CRAT: variants seen among roughly 807,000 people sequenced by gnomAD.
The protein encoded by CRAT is carnitine acetylase.
A neutral mutation model predicts 73.7 loss-of-function variants in CRAT; 66 were observed. That is an observed-to-expected ratio of 0.90 (90% CI 0.73 to 1.10). CRAT has a LOEUF of 1.10. Ranked by LOEUF, CRAT falls within the 50% of genes least tolerant of loss-of-function variation. The probability of loss-of-function intolerance (pLI) is 0.00; values close to 1 mark genes in which losing one functional copy is unlikely to be tolerated. For missense variants in CRAT, 745 were observed against 846.9 expected, an observed-to-expected ratio of 0.88 and a Z score of 1.49; for synonymous variants, 321 against 343.2, an observed-to-expected ratio of 0.94 and a Z score of 0.71.
rs1413678408 is a variant in CRAT at position 129,095,430 on chromosome 9, G to T, written c.1848C>A (p.Ala616=). 5.6e-6 allele frequency: 9 copies of T among 1,612,698 alleles called. No homozygotes were observed. The highest frequency in any genetic ancestry group is 7.6e-6 in the Non-Finnish European group (9 of 1,179,984). Reference sequence around the variant, plus strand: ...TGGCCCGGGGGTGGCTCTGCAGCAGGGCACGCATGTCCAGGAGCGCCTTCT... The same window carrying T: ...TGGCCCGGGGGTGGCTCTGCAGCAGTGCACGCATGTCCAGGAGCGCCTTCT... The part of the protein sequence containing the change: ...YLEKALLDMR[A]LLQSHPRAKL Residue 616 remains alanine (A), a synonymous_variant, in exon 14 of 14, where the codon GCC becomes GCA. Transcript: ENST00000318080.
intron 1 of CRAT, chr9:129,109,371 C>T: frequency 2.9e-6 from 3 of 1,018,584 alleles, no homozygotes; most frequent in Non-Finnish European, 4.1e-6. Context: ...TGTTTCTCTC[C>T]AGGACTCCTG....
In CRAT at chr9:129,097,957, G is replaced by A. The variant is rs1847385151; in HGVS notation, c.1464+56C>T. The A allele has an allele frequency of 1.1e-5, 17 of 1,592,946 alleles. No individual in the cohort carries two copies. The Admixed American group carries it at 2.7e-4, about 25-fold the overall frequency. ...CTCAATTATTGTGTGTTGACTGAGT[G>A]AGCAGGAGGGAGGGGCTCAGGCCCA... On this transcript the variant is annotated intron_variant, in intron 11 of 13. Coordinates refer to ENST00000318080, the MANE Select transcript of CRAT (RefSeq NM_000755.5).
intron 2 of CRAT, among the ~76,000 whole-genome samples, chr9:129,104,750 G>A (rs1333200578): frequency 3.3e-5 from 5 of 150,886 alleles, no homozygotes; most frequent in South Asian, 2.1e-4. Flanking sequence ...GACTACAGGC[G>A]CCAGCCACCA....
Position 129,096,129 on chromosome 9 carries a change from G to A in CRAT, c.1534C>T (p.Arg512Cys), listed in dbSNP as rs755208792. 31 of 1,613,066 alleles carry A rather than the reference G, an allele frequency of 1.9e-5. No individual in the cohort carries two copies. The highest frequency in any genetic ancestry group is 4.5e-5 in the East Asian group (2 of 44,880). The change falls in exon 13 of 14, where the codon CGC (arginine) becomes TGC (cysteine). Residue 512 changes from arginine to cysteine, a missense_variant. Physicochemically the swap from Arg to Cys is radical, Grantham distance 180 (BLOSUM62 -3). Transcript: ENST00000318080. ...AGGTGTCGATCAAAGGCCTCCCCGC[G>A]GATGGCCTGTTGGGGTGGGAGAGCT... ...AHRGYTDRAI[R>C]GEAFDRHLLG... is the part of the protein sequence containing the mutation.
At chr9:129,097,600 T>C (rs1230872120) in intron 11 of CRAT, among the ~76,000 whole-genome samples, 1 of 151,820 alleles carries the variant, frequency 6.6e-6, no homozygotes, top group Non-Finnish European at 1.5e-5. Flanking sequence ...TCCCAGCTAC[T>C]TGGGAGGCTG....
intron 1 of CRAT, 94 bp from the exon 2 acceptor site, chr9:129,108,171 C>A (rs750544551): frequency 1.6e-5 from 23 of 1,434,372 alleles, no homozygotes; most frequent in Non-Finnish European, 1.8e-5. Context: ...GTGCCCATCC[C>A]TGGGGGCAGA....
chr9:129,108,906 G>A, intron 1 of CRAT: 1 of 1,287,170 alleles, frequency 7.8e-7, no homozygotes, highest in Non-Finnish European at 1.0e-6. Context: ...TGCCTGGGCT[G>A]GAAAGAGAAG....
Position 129,098,694 on chromosome 9 carries a change from A to G in CRAT, c.1086-44T>C, listed in dbSNP as rs754117786. On this transcript the variant is annotated intron_variant, in intron 8 of 13. Coordinates refer to ENST00000318080, the MANE Select transcript of CRAT (RefSeq NM_000755.5). ...CTCAGGCTCATGCTGGTGCCTCTAG[A>G]GCCTGGGTCCATTCTGGGACCAGGG... The G allele has an allele frequency of 4.3e-5, 67 of 1,569,300 alleles. No individual in the cohort carries two copies. The Middle Eastern group carries it at 1.4e-3, about 32-fold the overall frequency.
chr9:129,102,879 G>A (rs1458385335), intron 4 of CRAT, 134 bp downstream of exon 4: 22 of 874,714 alleles, frequency 2.5e-5, no homozygotes, highest in Non-Finnish European at 4.1e-5. Context: ...CACCCACCAA[G>A]AGGAGATTCC....
intron 1 of CRAT, chr9:129,108,963 G>A (rs948235734): frequency 1.7e-5 from 21 of 1,244,088 alleles, no homozygotes; most frequent in Non-Finnish European, 2.1e-5. Context: ...GGCGATGGCT[G>A]TGGTGGAATC....
chr9:129,100,312 C>G, intron 7 of CRAT, 199 bp downstream of exon 7: 1 of 650,236 alleles, frequency 1.5e-6, no homozygotes. Flanking sequence ...GGGGTGACAG[C>G]GGTTTCCAGG....
intron 7 of CRAT, 154 bp downstream of exon 7, chr9:129,100,357 C>G: frequency 1.1e-6 from 1 of 927,428 alleles, no homozygotes; most frequent in Non-Finnish European, 1.6e-6. Context: ...GGCTGGCTGC[C>G]TGGTAATTAC....
At chr9:129,101,631 G>C (rs1158288866) in intron 6 of CRAT, among the ~76,000 whole-genome samples, 2 of 152,238 alleles carry the variant, frequency 1.3e-5, no homozygotes, top group African/African-American at 2.4e-5. Flanking sequence ...CCCTTTCACT[G>C]TTTCGCCCTG....
Position 129,095,997 on chromosome 9 carries a change from C to T in CRAT, c.1665+1G>A. 1 of 1,613,920 alleles carries T rather than the reference C, an allele frequency of 6.2e-7. No individual in the cohort carries two copies. Among genetic ancestry groups the T allele is most frequent in the Non-Finnish European group, 8.5e-7 (1 of 1,179,992 alleles). ...CCGGGGCACCTGGGGCAGTGGCCCA[C>T]CTGGCTGGTGGAGAGGTGGAAGTGC... On this transcript the variant is annotated splice_donor_variant, in intron 13 of 13. Transcript: ENST00000318080. LOFTEE classifies it high-confidence loss of function.
chr9:129,102,881 G>A, intron 4 of CRAT, 132 bp downstream of exon 4: 1 of 884,476 alleles, frequency 1.1e-6, no homozygotes, highest in Non-Finnish European at 1.9e-6. Context: ...CCCACCAAGA[G>A]GAGATTCCAG....
intron 5 of CRAT, 68 bp from the exon 6 acceptor site, chr9:129,102,125 C>T: frequency 6.6e-7 from 1 of 1,515,716 alleles, no homozygotes; most frequent in South Asian, 1.2e-5. Flanking sequence ...CAGCCACCTC[C>T]CCACACCTGC....
At chr9:129,099,181 C>T (rs1357114974) in intron 8 of CRAT, among the ~76,000 whole-genome samples, 13 of 139,812 alleles carry the variant, frequency 9.3e-5, no homozygotes, top group South Asian at 2.3e-4. Context: ...CTCATTCTGT[C>T]ACCCAGGCTA....
In CRAT at chr9:129,110,595, G is replaced by A; in HGVS notation, c.-86C>T. 1 of 1,440,828 alleles carries A rather than the reference G, an allele frequency of 6.9e-7. No homozygotes were observed. Among genetic ancestry groups the A allele is most frequent in the Non-Finnish European group, 9.2e-7 (1 of 1,086,716 alleles). The allele number at this position is 1,440,828 out of a possible 1,614,324, so 89.3% of individuals were successfully genotyped here. ...GCCGCCGCCGCCGCGGCTGGGGTCGGTGGGTCCTTGCTAGAGCCTTCGGGC... is the reference window on the plus strand; with the variant it reads ...GCCGCCGCCGCCGCGGCTGGGGTCGATGGGTCCTTGCTAGAGCCTTCGGGC... On this transcript the variant is annotated 5_prime_UTR_variant, in exon 1 of 14. Transcript: ENST00000318080. This position sits in a 1 kb window ranked among gnomAD's most constrained non-coding sequence, Gnocchi z 5.3.
At chr9:129,095,855 G>T in intron 13 of CRAT, 143 bp downstream of exon 13, 1 of 1,221,632 alleles carries the variant, frequency 8.2e-7, no homozygotes, top group Non-Finnish European at 1.2e-6. Flanking sequence ...GCCTGCCTGG[G>T]CTGCAGAGAG....
Sources: allele counts gnomAD v4.1 joint callset (sites outside exome capture counted in the v4.1 genomes callset), GRCh38; gene constraint gnomAD v4.1.1; non-coding constraint Gnocchi (gnomAD v3.1); transcripts MANE v1.5; gene names NCBI Gene and HGNC (gene_info 2026-07-23, HGNC 2026-07-21).